TBC1D9: variants seen among roughly 807,000 people sequenced by gnomAD.
TBC1D9 encodes TBC1 domain family member 9.
A neutral mutation model predicts 132.0 loss-of-function variants in TBC1D9; 63 were observed. The observed-to-expected ratio is 0.48, with a 90% confidence interval of 0.39 to 0.59. TBC1D9 has a LOEUF of 0.59. TBC1D9 is among the 20% of genes least tolerant of loss of function. The pLI, the probability that TBC1D9 is intolerant of heterozygous loss-of-function variation, is 0.00. For synonymous variants in TBC1D9, 610 were observed against 609.9 expected (o/e 1.00, Z 0.00); for missense variants, 1,261 against 1,592.7 (o/e 0.79, Z 3.54).
At position 140,678,955 on chromosome 4, in the gene TBC1D9, A is replaced by G. The variant is rs1362255686; in HGVS notation, c.838T>C (p.Ser280Pro). ...TCTATCACCCACCGTTTTAGAGCAG[A>G]CACTTTTTTAGGAGATTTCCTTTTG... ...KLKRKSPKKV[S>P]ALKRDLDARA... Residue 280 changes from serine to proline, a missense_variant, in exon 5 of 21, where the codon TCT (serine) becomes CCT (proline). Ser to Pro is a moderately conservative substitution (Grantham distance 74). Transcript: ENST00000442267. 1.9e-6 allele frequency: 3 copies of G among 1,613,880 alleles called. No homozygotes were observed. The highest frequency in any genetic ancestry group is 2.5e-6 in the Non-Finnish European group (3 of 1,179,794).
At position 140,756,082 on chromosome 4, in the gene TBC1D9, G is replaced by A. The variant is rs1238658729; in HGVS notation, c.-37C>T. On this transcript the variant is annotated 5_prime_UTR_variant, in exon 1 of 21. It adds an upstream start codon to the 5' untranslated region. Coordinates refer to ENST00000442267, the MANE Select transcript of TBC1D9 (RefSeq NM_015130.3). The surrounding 1 kb of genome is among the most constrained non-coding windows in gnomAD (Gnocchi z 5.6). ...CCGCGGGCGGGCGCACAATGGGCCC[G>A]TGGGTCCAGTCCTGCACCCACCACC... 3 of 1,583,638 alleles carry A rather than the reference G, an allele frequency of 1.9e-6. No individual in the cohort carries two copies. Among genetic ancestry groups the A allele is most frequent in the East Asian group, 2.3e-5 (1 of 43,634 alleles).
intron 1 of TBC1D9, among the ~76,000 whole-genome samples, chr4:140,733,781 C>T (rs1738634672): frequency 6.6e-6 from 1 of 152,184 alleles, no homozygotes; most frequent in African/African-American, 2.4e-5. Context: ...AAATAATGCA[C>T]TATACCATTT....
chr4:140,653,654 T>C (rs953331611), intron 13 of TBC1D9, among the ~76,000 whole-genome samples: 10 of 151,544 alleles, frequency 6.6e-5, no homozygotes, highest in African/African-American at 2.2e-4. Flanking sequence ...TCAGCAAGAG[T>C]TCGTGGTGTT....
intron 2 of TBC1D9, among the ~76,000 whole-genome samples, chr4:140,692,308 T>G (rs1737889301): frequency 6.6e-6 from 1 of 152,224 alleles, no homozygotes; most frequent in South Asian, 2.1e-4. Context: ...TGAGTTCACA[T>G]GAATTGCACT....
At chr4:140,656,458 C>A (rs1387326183) in intron 13 of TBC1D9, among the ~76,000 whole-genome samples, 2 of 152,184 alleles carry the variant, frequency 1.3e-5, no homozygotes, top group Non-Finnish European at 2.9e-5. Flanking sequence ...TCATAATCTT[C>A]CTGCGCCCAG....
chr4:140,644,309 C>T (rs1737062662), intron 13 of TBC1D9: 1 of 285,340 alleles, frequency 3.5e-6, no homozygotes, highest in South Asian at 3.8e-5. Flanking sequence ...CCGGGGTGGA[C>T]AGCAGGGAGT....
chr4:140,632,492 GAA>G (rs1736813304), intron 16 of TBC1D9, among the ~76,000 whole-genome samples: 1 of 152,172 alleles, frequency 6.6e-6, no homozygotes, highest in Non-Finnish European at 1.5e-5. Flanking sequence ...AGAGTAGTGA[GAA>G]AAGGATAAGC....
rs1200947121 is a variant in TBC1D9, at chr4:140,755,955, C to T, written c.91G>A (p.Gly31Ser). 5 of 1,600,184 alleles carry T rather than the reference C, an allele frequency of 3.1e-6. No homozygotes were observed. Among genetic ancestry groups the T allele is most frequent in the Non-Finnish European group, 3.4e-6 (4 of 1,174,406 alleles). The change falls in exon 1 of 21, where the codon GGC becomes AGC. Residue 31 changes from glycine to serine, a missense_variant. By Grantham distance (56) the Gly-to-Ser change is moderately conservative (BLOSUM62 0). Transcript: ENST00000442267. ...CCGCCGCCTCCATCGCCGGCGTGGCCCTTCCTCCGCTGCAGGATGAAGTAT... is the reference window on the plus strand; with the variant it reads ...CCGCCGCCTCCATCGCCGGCGTGGCTCTTCCTCCGCTGCAGGATGAAGTAT... ...NPYFILQRRK[G>S]HAGDGGGGGG...
rs1578832745 is a variant in TBC1D9 at position 140,668,840 on chromosome 4, T to C, written c.1588+77A>G. 2.6e-6 allele frequency: 4 copies of C among 1,514,986 alleles called. No homozygotes were observed. In the East Asian group the frequency reaches 6.8e-5, roughly 26 times the overall value. The allele number at this position is 1,514,986 out of a possible 1,614,324, so 93.8% of individuals were successfully genotyped here. A position where few individuals can be genotyped will look rare whatever the true frequency, so the allele number is the denominator to read the frequency against. ...CATATTTGAAAGAACCCCTGAGGCATGACTGAAGGCACAGGGAGGCCCTGG... is the reference window on the plus strand; with the variant it reads ...CATATTTGAAAGAACCCCTGAGGCACGACTGAAGGCACAGGGAGGCCCTGG... On this transcript the variant is annotated intron_variant, in intron 9 of 20. Transcript: ENST00000442267.
In TBC1D9 at chr4:140,639,388, C is replaced by T. The variant is rs1232724381; in HGVS notation, c.2378G>A (p.Arg793Lys). ...GATCACTTTCAGTCTCTGTTTGAAT[C>T]TCATCTGTTCAATCAAATCTGCCCG... The part of the protein sequence containing the change: ...TIRADLIEQM[R>K]FKQRLKVIQT... Residue 793 changes from arginine (R) to lysine (K), a missense_variant, in exon 14 of 21, where the codon AGA (arginine) becomes AAA (lysine). Coordinates refer to ENST00000442267, the MANE Select transcript of TBC1D9 (RefSeq NM_015130.3). The T allele has an allele frequency of 6.2e-7, 1 of 1,613,046 alleles. No homozygotes were observed.
chr4:140,662,954 A>C (rs1737387463), intron 9 of TBC1D9, among the ~76,000 whole-genome samples: 2 of 152,240 alleles, frequency 1.3e-5, no homozygotes, highest in African/African-American at 2.4e-5. Context: ...TAAAACTAGT[A>C]GAAGAAAATA....
chr4:140,634,536 T>C (rs569809422), intron 15 of TBC1D9, among the ~76,000 whole-genome samples: 2 of 152,138 alleles, frequency 1.3e-5, no homozygotes, highest in Non-Finnish European at 2.9e-5. Flanking sequence ...GAGAAAGAAA[T>C]TTTTTAGCTT....
At chr4:140,643,029 T>C in intron 13 of TBC1D9, 2 of 990,902 alleles carry the variant, frequency 2.0e-6, no homozygotes, top group Non-Finnish European at 3.0e-6. Context: ...CACGGAGGAC[T>C]TCATGGGGTA....
intron 16 of TBC1D9, 32 bp from the exon 17 acceptor site, chr4:140,628,397 C>A: frequency 6.4e-7 from 1 of 1,565,750 alleles, no homozygotes; most frequent in Non-Finnish European, 8.8e-7. Flanking sequence ...ATGTGAAATG[C>A]ATCACATGTG....
chr4:140,644,061 C>T (rs1737058037), intron 13 of TBC1D9: 1 of 433,446 alleles, frequency 2.3e-6, no homozygotes. Context: ...GAGTGTCAGG[C>T]GCTTGGTCCC....
At chr4:140,749,328 C>T (rs1738886811) in intron 1 of TBC1D9, among the ~76,000 whole-genome samples, 1 of 152,012 alleles carries the variant, frequency 6.6e-6, no homozygotes, top group Non-Finnish European at 1.5e-5. Context: ...AAACTTCTAG[C>T]TAATAGAGTC....
chr4:140,732,668 A>G (rs898304670), intron 1 of TBC1D9, among the ~76,000 whole-genome samples: 6 of 152,138 alleles, frequency 3.9e-5, no homozygotes. Flanking sequence ...TTCAACATAG[A>G]ACTCAAGTCT....
intron 13 of TBC1D9, chr4:140,643,810 T>G (rs1330039941): frequency 1.3e-6 from 1 of 779,494 alleles, no homozygotes; most frequent in East Asian, 2.6e-5. Flanking sequence ...CCGGTGGCAC[T>G]CAGCGCCTGG....
At chr4:140,730,381 AC>A (rs1325327908) in intron 1 of TBC1D9, among the ~76,000 whole-genome samples, 5 of 152,158 alleles carry the variant, frequency 3.3e-5, no homozygotes, top group Admixed American at 6.6e-5. Flanking sequence ...TTTCAAAGAT[AC>A]CCTGACAAAT....
Sources: gnomAD v4.1 joint callset for allele counts (sites outside exome capture counted in the v4.1 genomes callset) on GRCh38, gnomAD v4.1.1 for gene constraint, Gnocchi (gnomAD v3.1) non-coding constraint, MANE v1.5 for transcripts, NCBI Gene and HGNC (gene_info 2026-07-23, HGNC 2026-07-21) for gene names.